The following NCOA5 variants were observed in gnomAD, a reference collection of about 807,000 sequenced individuals.
The protein encoded by NCOA5 is nuclear receptor coactivator 5, also known as NCoA-5.
Under a neutral mutation model 59.0 loss-of-function variants are expected in NCOA5, and 12 were observed. That is an observed-to-expected ratio of 0.20 (90% CI 0.13 to 0.33). The LOEUF (loss-of-function observed/expected upper bound fraction) is 0.33. Ranked by LOEUF, NCOA5 falls within the 10% of genes least tolerant of loss-of-function variation. NCOA5 has a pLI of 1.00. For synonymous variants in NCOA5, 270 were observed against 275.5 expected, an observed-to-expected ratio of 0.98 and a Z score of 0.20; for missense variants, 655 against 766.6, an observed-to-expected ratio of 0.85 and a Z score of 1.72.
intron 1 of NCOA5, among the ~76,000 whole-genome samples, chr20:46,085,316 C>T (rs1224386683): frequency 6.6e-6 from 1 of 152,132 alleles, no homozygotes; most frequent in Non-Finnish European, 1.5e-5. Context: ...CATGAGTCAC[C>T]ATGCCTGGCC....
At chr20:46,085,581 C>A (rs779285370) in intron 1 of NCOA5, among the ~76,000 whole-genome samples, 1 of 151,588 alleles carries the variant, frequency 6.6e-6, no homozygotes, top group East Asian at 1.9e-4. Context: ...TGGGAGTTTA[C>A]CAGAAAGAGA....
At chr20:46,074,141 A>AAAAC (rs1385119185) in intron 2 of NCOA5, among the ~76,000 whole-genome samples, 2 of 152,220 alleles carry the variant, frequency 1.3e-5, no homozygotes, top group African/African-American at 4.8e-5. Flanking sequence ...AGACGAAAAC[A>AAAAC]AAACAAAAAA....
At chr20:46,067,432 A>C (rs1466441354) in intron 4 of NCOA5, among the ~76,000 whole-genome samples, 2 of 152,196 alleles carry the variant, frequency 1.3e-5, no homozygotes, top group East Asian at 3.8e-4. Context: ...ATACTAATTT[A>C]TACCTCCACA....
chr20:46,064,913 C>A (rs1054718346), intron 6 of NCOA5, 116 bp downstream of exon 6: 6 of 948,886 alleles, frequency 6.3e-6, no homozygotes, highest in Non-Finnish European at 1.0e-5. Context: ...AGAGAGGGGC[C>A]CTACCATATA....
chr20:46,070,403 G>C lies in NCOA5; in HGVS notation c.172C>G (p.Arg58Gly), dbSNP rs2084870125. The C allele has an allele frequency of 6.2e-7, 1 of 1,613,980 alleles. No homozygotes were observed. The highest frequency in any genetic ancestry group is 8.5e-7 in the Non-Finnish European group (1 of 1,179,972). Residue 58 changes from arginine (R) to glycine (G), a missense_variant, in exon 3 of 8, where the codon CGA (arginine) becomes GGA (glycine). Arg to Gly is a moderately radical substitution (Grantham distance 125). Coordinates refer to ENST00000290231, the MANE Select transcript of NCOA5 (RefSeq NM_020967.3). ...CTATGTCTGTGGTCCCGCAAGTCTC[G>C]GGGGTCTCGAATGTCTCTGCTGTCC... ...ARDSRDIRDP[R>G]DLRDHRHSRD...
At chr20:46,081,176 A>G (rs2084988157) in intron 1 of NCOA5, among the ~76,000 whole-genome samples, 1 of 152,134 alleles carries the variant, frequency 6.6e-6, no homozygotes, top group Non-Finnish European at 1.5e-5. Context: ...TAACTTCAGC[A>G]GGAGTTCATA....
chr20:46,066,206 G>A (rs2145525018), intron 5 of NCOA5, among the ~76,000 whole-genome samples: 1 of 152,248 alleles, frequency 6.6e-6, no homozygotes, highest in South Asian at 2.1e-4. Flanking sequence ...CTACTGCCAA[G>A]CCTGCAAGCT....
At chr20:46,089,550 C>T (rs2085078851) in intron 1 of NCOA5, among the ~76,000 whole-genome samples, 1 of 152,202 alleles carries the variant, frequency 6.6e-6, no homozygotes, top group African/African-American at 2.4e-5. Flanking sequence ...AGACAGGCGG[C>T]TGCGATGCGA....
At chr20:46,077,633 T>C (rs2084951298) in intron 2 of NCOA5, among the ~76,000 whole-genome samples, 1 of 152,180 alleles carries the variant, frequency 6.6e-6, no homozygotes, top group Non-Finnish European at 1.5e-5. Context: ...GCGGAGTCAG[T>C]GTCTTTTATA....
chr20:46,089,458 C>T (rs1251104030), intron 1 of NCOA5, among the ~76,000 whole-genome samples: 1 of 152,244 alleles, frequency 6.6e-6, no homozygotes, highest in African/African-American at 2.4e-5. Flanking sequence ...GCGAGCGACT[C>T]CACCGTTTCG....
chr20:46,079,350 C>T (rs2084968950), intron 2 of NCOA5, 37 bp downstream of exon 2: 2 of 1,611,762 alleles, frequency 1.2e-6, no homozygotes, highest in Non-Finnish European at 1.7e-6. Flanking sequence ...CAGAGCCCAA[C>T]TCTCCCAAGG....
chr20:46,086,027 G>A (rs2085041823), intron 1 of NCOA5, among the ~76,000 whole-genome samples: 1 of 152,098 alleles, frequency 6.6e-6, no homozygotes, highest in South Asian at 2.1e-4. Flanking sequence ...AGGAATACAG[G>A]TGCATGCACC....
At chr20:46,068,464 C>T in intron 4 of NCOA5, 38 bp downstream of exon 4, 2 of 1,577,530 alleles carry the variant, frequency 1.3e-6, no homozygotes, top group Admixed American at 1.9e-5. Context: ...GTAAAGTGTT[C>T]TATCAATAAT....
At chr20:46,089,264 C>G (rs578243169) in intron 1 of NCOA5, among the ~76,000 whole-genome samples, 22 of 152,252 alleles carry the variant, frequency 1.4e-4, no homozygotes, top group African/African-American at 5.3e-4. Context: ...GCCTACAAAA[C>G]GCGTGGGGTG....
intron 2 of NCOA5, among the ~76,000 whole-genome samples, chr20:46,075,962 G>A (rs1278547026): frequency 1.3e-5 from 2 of 152,176 alleles, no homozygotes; most frequent in African/African-American, 4.8e-5. Flanking sequence ...GGAGTCATCA[G>A]GGAGTCATAT....
intron 1 of NCOA5, among the ~76,000 whole-genome samples, chr20:46,088,441 A>C (rs1191111818): frequency 6.6e-6 from 1 of 152,260 alleles, no homozygotes; most frequent in Non-Finnish European, 1.5e-5. Flanking sequence ...AATGCAAAGC[A>C]TGGGCTTTAC....
chr20:46,086,385 T>G (rs775270324), intron 1 of NCOA5, among the ~76,000 whole-genome samples: 1 of 152,180 alleles, frequency 6.6e-6, no homozygotes, highest in Non-Finnish European at 1.5e-5. Flanking sequence ...GGATAAAGAA[T>G]GAAGATGACC....
chr20:46,089,599 G>A (rs2085079834), intron 1 of NCOA5, among the ~76,000 whole-genome samples: 1 of 152,058 alleles, frequency 6.6e-6, no homozygotes, highest in Non-Finnish European at 1.5e-5. Context: ...ACCGTAGGCC[G>A]CCTCGGCCGG....
chr20:46,068,534 G>A lies in NCOA5; in HGVS notation c.470C>T (p.Pro157Leu). The A allele has an allele frequency of 6.2e-7, 1 of 1,613,214 alleles. No individual in the cohort carries two copies. The highest frequency in any genetic ancestry group is 8.5e-7 in the Non-Finnish European group (1 of 1,179,642). ...RYRDSFDGRG[P>L]PGPESQSRAK... ...ACGAGACTGACTTTCTGGGCCTGGA[G>A]GGCCCCGTCCATCAAAGCTATCTCT... Residue 157 changes from proline (P) to leucine (L), a missense_variant, in exon 4 of 8, where the codon CCT (proline) becomes CTT (leucine). By Grantham distance (98) the Pro-to-Leu change is moderately conservative. This residue lies in a region of NCOA5 where 250 missense variants were observed against 260.1 expected (regional missense o/e 0.96). Transcript: ENST00000290231.
Sources: allele counts gnomAD v4.1 joint callset (sites outside exome capture counted in the v4.1 genomes callset), GRCh38; gene constraint gnomAD v4.1.1; regional missense constraint gnomAD v4.1.1; transcripts MANE v1.5; gene names NCBI Gene and HGNC (gene_info 2026-07-23, HGNC 2026-07-21).